The following GLI3 variants were observed in gnomAD, a reference collection of about 807,000 sequenced individuals.
GLI3 encodes transcription activator GLI3.
In GLI3, 20 loss-of-function variants were observed where a neutral mutation model predicts 100.8. That is an observed-to-expected ratio of 0.20 (90% CI 0.14 to 0.29). The LOEUF (loss-of-function observed/expected upper bound fraction) is 0.29, where lower values mean the gene tolerates loss of function less well. Among genes scored for constraint, GLI3 ranks in the 10% least tolerant of loss-of-function variants. GLI3 has a pLI of 1.00. For missense variants in GLI3, 2,040 were observed against 2,128.5 expected (o/e 0.96, Z 0.82); for synonymous variants, 938 against 860.5 (o/e 1.09, Z -1.58).
At chr7:42,007,240 A>G (rs1213647166) in intron 10 of GLI3, among the ~76,000 whole-genome samples, 1 of 151,038 alleles carries the variant, frequency 6.6e-6, no homozygotes, top group Non-Finnish European at 1.5e-5. Flanking sequence ...AAAAAAAAAA[A>G]AGGAAGGAAG....
intron 10 of GLI3, among the ~76,000 whole-genome samples, chr7:42,001,908 G>A (rs1788305290): frequency 1.3e-5 from 2 of 152,026 alleles, no homozygotes; most frequent in African/African-American, 4.8e-5. Flanking sequence ...TGTGTGTTTG[G>A]GGGGCAAGGA....
At chr7:42,016,708 A>G (rs891055173) in intron 10 of GLI3, among the ~76,000 whole-genome samples, 1 of 151,956 alleles carries the variant, frequency 6.6e-6, no homozygotes, top group South Asian at 2.1e-4. Flanking sequence ...CACCACCATC[A>G]TCATCATCAT....
chr7:42,044,563 T>C (rs1784207396), intron 6 of GLI3, among the ~76,000 whole-genome samples: 1 of 152,220 alleles, frequency 6.6e-6, no homozygotes, highest in African/African-American at 2.4e-5. Context: ...GTACTAAAAG[T>C]AGTCCCTTCT....
intron 2 of GLI3, among the ~76,000 whole-genome samples, chr7:42,199,991 G>A (rs1458716241): frequency 6.6e-6 from 1 of 152,142 alleles, no homozygotes; most frequent in Non-Finnish European, 1.5e-5. Context: ...GGGAGGCGGA[G>A]GTTGCAGTGA....
intron 2 of GLI3, among the ~76,000 whole-genome samples, chr7:42,198,399 C>T (rs564642948): frequency 2.6e-4 from 40 of 152,220 alleles, no homozygotes; most frequent in Admixed American, 2.0e-3. Flanking sequence ...GGAGCACAAG[C>T]GAGAAAACAC....
intron 2 of GLI3, among the ~76,000 whole-genome samples, chr7:42,203,287 G>A (rs1373489377): frequency 6.6e-6 from 1 of 152,064 alleles, no homozygotes; most frequent in Non-Finnish European, 1.5e-5. Flanking sequence ...ATACAATGTA[G>A]GGTCATTAAC....
At chr7:42,193,900 T>C (rs1396985718) in intron 2 of GLI3, among the ~76,000 whole-genome samples, 1 of 152,200 alleles carries the variant, frequency 6.6e-6, no homozygotes, top group African/African-American at 2.4e-5. Context: ...TTGCCTCAGA[T>C]AACTTTAAAG....
intron 7 of GLI3, among the ~76,000 whole-genome samples, chr7:42,031,504 TTCCTAATG>T (rs1789296178): frequency 6.6e-6 from 1 of 152,216 alleles, no homozygotes; most frequent in Non-Finnish European, 1.5e-5. Flanking sequence ...TCTCTGTGCA[TTCCTAATG>T]TCCACCCCAG....
chr7:42,252,196 A>G (rs57239664), intron 1 of GLI3, among the ~76,000 whole-genome samples: 78,974 of 151,972 alleles, frequency 0.52, 20,974 homozygotes, highest in East Asian at 0.69. Context: ...TTGTGAGAAC[A>G]TGGATGGAGC....
intron 3 of GLI3, among the ~76,000 whole-genome samples, chr7:42,088,102 C>T (rs1237920366): frequency 6.6e-6 from 1 of 152,098 alleles, no homozygotes. Context: ...GAAAACATTC[C>T]CCATTTTTCT....
chr7:41,965,123 G>T lies in GLI3; in HGVS notation c.3950C>A (p.Pro1317Gln). The part of the protein sequence containing the change: ...SMVNGMQNQD[P>Q]VGQGYLAHQL... ...GTGAGCCAGGTACCCCTGTCCCACT[G>T]GGTCCTGGTTCTGCATGCCATTCAC... Residue 1317 changes from proline to glutamine, a missense_variant, in exon 15 of 15, where the codon CCA becomes CAA. Physicochemically the swap from Pro to Gln is moderately conservative, Grantham distance 76 (BLOSUM62 -1). Transcript: ENST00000395925. 1.9e-6 allele frequency: 3 copies of T among 1,613,822 alleles called. No homozygotes were observed. The highest frequency in any genetic ancestry group is 2.5e-6 in the Non-Finnish European group (3 of 1,179,996).
chr7:42,190,386 TAGAC>T (rs1177891236), intron 2 of GLI3, among the ~76,000 whole-genome samples: 4 of 152,096 alleles, frequency 2.6e-5, no homozygotes, highest in Non-Finnish European at 1.5e-5. Context: ...GGTGTAAACA[TAGAC>T]AGGAAAGAGT....
At chr7:42,011,815 C>A (rs956676621) in intron 10 of GLI3, among the ~76,000 whole-genome samples, 5 of 152,144 alleles carry the variant, frequency 3.3e-5, no homozygotes, top group Non-Finnish European at 7.3e-5. Context: ...GTGGGGTGAT[C>A]AAAATGTCCT....
intron 2 of GLI3, among the ~76,000 whole-genome samples, chr7:42,185,853 A>G (rs1787707001): frequency 6.6e-6 from 1 of 152,140 alleles, no homozygotes; most frequent in Non-Finnish European, 1.5e-5. Context: ...AGCCTCTCAG[A>G]GCTTAGAGCC....
chr7:42,002,585 C>A (rs142557318), intron 10 of GLI3, among the ~76,000 whole-genome samples: 1,982 of 152,246 alleles, frequency 0.013, 16 homozygotes, highest in South Asian at 0.031. Flanking sequence ...ATCAGTATTG[C>A]CTGAGAATCT....
intron 2 of GLI3, among the ~76,000 whole-genome samples, chr7:42,173,045 T>C (rs1787408426): frequency 6.6e-6 from 1 of 152,314 alleles, no homozygotes; most frequent in South Asian, 2.1e-4. Context: ...GAGCACACTG[T>C]AGACCTTACT....
chr7:42,134,400 T>C (rs983013850), intron 3 of GLI3, among the ~76,000 whole-genome samples: 12 of 152,048 alleles, frequency 7.9e-5, no homozygotes, highest in African/African-American at 1.2e-4. Flanking sequence ...TATAAACCCA[T>C]GAGAAGACAC....
At chr7:42,132,807 A>T (rs1786326338) in intron 3 of GLI3, among the ~76,000 whole-genome samples, 1 of 152,214 alleles carries the variant, frequency 6.6e-6, no homozygotes, top group African/African-American at 2.4e-5. Context: ...AAATGAGCCA[A>T]CATGAGCAGG....
chr7:42,082,757 C>T (rs1418715153), intron 3 of GLI3, among the ~76,000 whole-genome samples: 1 of 152,068 alleles, frequency 6.6e-6, no homozygotes, highest in Non-Finnish European at 1.5e-5. Flanking sequence ...TGTAAAAATG[C>T]CCTGAAACTT....
Sources: allele counts gnomAD v4.1 joint callset (sites outside exome capture counted in the v4.1 genomes callset), GRCh38; gene constraint gnomAD v4.1.1; transcripts MANE v1.5; gene names NCBI Gene and HGNC (gene_info 2026-07-23, HGNC 2026-07-21).